Variants in DNM2 observed in about 807,000 individuals in gnomAD.
The protein encoded by DNM2 is dynamin 2.
A neutral mutation model predicts 99.0 loss-of-function variants in DNM2; 15 were observed. The ratio of observed to expected loss-of-function variants is 0.15; its 90% CI spans 0.10 to 0.23. The LOEUF is 0.23. Ranked by LOEUF, DNM2 falls within the 10% of genes least tolerant of loss-of-function variation. DNM2 has a pLI of 1.00. For missense variants in DNM2, 742 were observed against 1,189.4 expected (o/e 0.62, Z 5.53); for synonymous variants, 525 against 481.2 (o/e 1.09, Z -1.19).
At chr19:10,827,740 G>A (rs910722829) in intron 18 of DNM2, among the ~76,000 whole-genome samples, 1 of 151,508 alleles carries the variant, frequency 6.6e-6, no homozygotes, top group South Asian at 2.1e-4. Context: ...GTGGTGGCAC[G>A]CGTCTGTAGT....
In DNM2 at chr19:10,797,583, C is replaced by T. The variant is rs1013486468; in HGVS notation, c.1335+65C>T. The T allele has an allele frequency of 1.7e-5, 28 of 1,611,398 alleles. No homozygotes were observed. The Admixed American group carries it at 4.3e-4, about 25-fold the overall frequency. On this transcript the variant is annotated intron_variant, in intron 10 of 20. Coordinates refer to ENST00000389253, the MANE Select transcript of DNM2 (RefSeq NM_001005361.3). ...CTCCCCCTCCATGTGTTAGTCTCAA[C>T]CCGAGCATCTGGAAAATTCAGCCTC... is the stretch of plus-strand genomic sequence containing the variant.
At chr19:10,792,958 G>T (rs1423294957) in intron 7 of DNM2, among the ~76,000 whole-genome samples, 1 of 151,990 alleles carries the variant, frequency 6.6e-6, no homozygotes, top group African/African-American at 2.4e-5. Flanking sequence ...GCCCAGGGTG[G>T]TCTCGAACTC....
At chr19:10,742,642 A>T (rs921281440) in intron 1 of DNM2, among the ~76,000 whole-genome samples, 4 of 152,116 alleles carry the variant, frequency 2.6e-5, no homozygotes, top group African/African-American at 9.7e-5. Context: ...CTGGAGTCCA[A>T]GGTTTCCTTT....
chr19:10,780,344 C>G (rs1215974656), intron 5 of DNM2: 1 of 152,732 alleles, frequency 6.5e-6, no homozygotes, highest in Non-Finnish European at 1.5e-5. Context: ...CACCCCGACC[C>G]GGCTGCCCTT....
At chr19:10,738,005 C>G (rs921081290) in intron 1 of DNM2, among the ~76,000 whole-genome samples, 4 of 152,198 alleles carry the variant, frequency 2.6e-5, no homozygotes, top group Non-Finnish European at 4.4e-5. Flanking sequence ...GTGCCAGGCT[C>G]TGACCTGAAC....
chr19:10,739,233 G>A (rs1352733333), intron 1 of DNM2, among the ~76,000 whole-genome samples: 1 of 152,156 alleles, frequency 6.6e-6, no homozygotes, highest in East Asian at 1.9e-4. Flanking sequence ...GGGACATGGG[G>A]AACTCCTGTA....
intron 1 of DNM2, among the ~76,000 whole-genome samples, chr19:10,749,141 G>A (rs1398338399): frequency 6.6e-6 from 1 of 152,196 alleles, no homozygotes; most frequent in Admixed American, 6.5e-5. Context: ...CTGGCTCTGG[G>A]CCACACTGCT....
intron 1 of DNM2, among the ~76,000 whole-genome samples, chr19:10,728,493 C>T (rs2069185279): frequency 6.6e-6 from 1 of 152,114 alleles, no homozygotes; most frequent in Admixed American, 6.6e-5. Context: ...AGGACTGGGC[C>T]AAGATTACAG....
chr19:10,777,525 C>T (rs1363397296), intron 5 of DNM2, among the ~76,000 whole-genome samples: 4 of 152,164 alleles, frequency 2.6e-5, no homozygotes, highest in African/African-American at 7.2e-5. Context: ...GCTCCCAGCT[C>T]CCCAGGGTTT....
rs181192494 is a variant in DNM2, at chr19:10,813,867, G to A, written c.1671+1490G>A. 1.1e-3 allele frequency among the ~76,000 whole-genome samples: 169 copies of A among 149,638 alleles called. 4 individuals carry two copies. Among genetic ancestry groups the A allele is most frequent in the Admixed American group, 0.01 (153 of 15,028 alleles). On this transcript the variant is annotated intron_variant, in intron 15 of 20. Transcript: ENST00000389253. ...AAGAAGAAGAAGAAATAGACAATAC[G>A]TTGTTGCATTGTTGGCTGGGCACAG...
chr19:10,744,770 T>A (rs1414462634), intron 1 of DNM2, among the ~76,000 whole-genome samples: 2 of 152,092 alleles, frequency 1.3e-5, no homozygotes, highest in Non-Finnish European at 2.9e-5. Context: ...TGGGAGAGAC[T>A]TTGCTAACAA....
At position 10,765,280 on chromosome 19, in the gene DNM2, TC is replaced by T. The variant is rs2145880080; in HGVS notation, c.235+5470del. ...GCCTGTTTTTTCTTAATGGACTCTC[TC>T]TGCGCCAGCACACGAGAACAGGCAT... is the stretch of plus-strand genomic sequence containing the variant. On this transcript the variant is annotated intron_variant, in intron 2 of 20. Transcript: ENST00000389253. The surrounding 1 kb of genome is among the most constrained non-coding windows in gnomAD (Gnocchi z 4.4). 6.6e-6 allele frequency among the ~76,000 whole-genome samples: 1 copy of T among 152,316 alleles called. No homozygotes were observed. Among genetic ancestry groups the T allele is most frequent in the East Asian group, 1.9e-4 (1 of 5,180 alleles).
At chr19:10,786,098 C>T (rs1297656558) in intron 6 of DNM2, among the ~76,000 whole-genome samples, 1 of 152,242 alleles carries the variant, frequency 6.6e-6, no homozygotes, top group East Asian at 1.9e-4. Flanking sequence ...CCATGCCTGG[C>T]CCACATTTGT....
At chr19:10,737,646 C>T (rs987881936) in intron 1 of DNM2, among the ~76,000 whole-genome samples, 9 of 152,004 alleles carry the variant, frequency 5.9e-5, no homozygotes, top group African/African-American at 1.7e-4. Context: ...TCAACATGCC[C>T]GTATATTTTT....
Position 10,797,138 on chromosome 19 carries a change from G to T in DNM2, c.1197-242G>T, listed in dbSNP as rs115609558. Among the ~76,000 whole-genome samples the T allele has an allele frequency of 6.1e-3, 922 of 152,226 alleles. 9 individuals carry two copies. The highest frequency in any genetic ancestry group is 0.021 in the African/African-American group (880 of 41,520). On this transcript the variant is annotated intron_variant, in intron 9 of 20. Coordinates refer to ENST00000389253, the MANE Select transcript of DNM2 (RefSeq NM_001005361.3). ...CTCCGCACACCTTGGCTGTCTGTCT[G>T]TGCAATGACAACCCCCCGTGGCCCT...
intron 11 of DNM2, among the ~76,000 whole-genome samples, chr19:10,800,323 G>GCA (rs919228371): frequency 2.1e-4 from 31 of 148,894 alleles, no homozygotes; most frequent in African/African-American, 7.7e-4. Flanking sequence ...CTGCAGGGAG[G>GCA]CGCCCAGTTT....
chr19:10,830,926 C>T lies in DNM2; in HGVS notation c.2544-52C>T. 1 of 1,573,644 alleles carries T rather than the reference C, an allele frequency of 6.4e-7. No individual in the cohort carries two copies. Among genetic ancestry groups the T allele is most frequent in the Non-Finnish European group, 8.6e-7 (1 of 1,157,560 alleles). Reference sequence around the variant, plus strand: ...CCTCAACCCAGGCCTGCCTCTTGCTCCCGGCCTCACTGCCGTCTCCCCCTC... The same window carrying T: ...CCTCAACCCAGGCCTGCCTCTTGCTTCCGGCCTCACTGCCGTCTCCCCCTC... On this transcript the variant is annotated intron_variant, in intron 20 of 20. Transcript: ENST00000389253. This position sits in a 1 kb window ranked among gnomAD's most constrained non-coding sequence, Gnocchi z 4.8.
In DNM2 at chr19:10,811,395, G is replaced by A. The variant is rs1487385206; in HGVS notation, c.1558-869G>A. On this transcript the variant is annotated intron_variant, in intron 14 of 20. Coordinates refer to ENST00000389253, the MANE Select transcript of DNM2 (RefSeq NM_001005361.3). This position sits in a 1 kb window ranked among gnomAD's most constrained non-coding sequence, Gnocchi z 5.4. ...GGGATTCCTGGAGGCCCCATCTCTG[G>A]CGCTCCTGCCGTGCCGTGCCCTGCC... 1 of 278,422 alleles carries A rather than the reference G, an allele frequency of 3.6e-6. No homozygotes were observed. Among genetic ancestry groups the A allele is most frequent in the Non-Finnish European group, 7.2e-6 (1 of 139,340 alleles). The allele number at this position is 278,422 out of a possible 1,614,324, so 17.2% of individuals were successfully genotyped here. A position where few individuals can be genotyped will look rare whatever the true frequency, so the allele number is the denominator to read the frequency against.
At chr19:10,799,816 G>A (rs1440665966) in intron 11 of DNM2, among the ~76,000 whole-genome samples, 1 of 151,790 alleles carries the variant, frequency 6.6e-6, no homozygotes, top group African/African-American at 2.4e-5. Flanking sequence ...TTATAGGGGT[G>A]AGCTACCACG....
Sources: gnomAD v4.1 joint callset for allele counts (sites outside exome capture counted in the v4.1 genomes callset) on GRCh38, gnomAD v4.1.1 for gene constraint, Gnocchi (gnomAD v3.1) non-coding constraint, MANE v1.5 for transcripts, NCBI Gene and HGNC (gene_info 2026-07-23, HGNC 2026-07-21) for gene names.